Variants in ORC2 observed in about 807,000 individuals in gnomAD.
The protein encoded by ORC2 is origin recognition complex subunit 2.
A neutral mutation model predicts 77.7 loss-of-function variants in ORC2; 37 were observed. The observed-to-expected ratio is 0.48, with a 90% CI of 0.37 to 0.63. The LOEUF is 0.63. Ranked by LOEUF, ORC2 falls within the 20% of genes least tolerant of loss-of-function variation. The probability of loss-of-function intolerance (pLI) is 0.00; values close to 1 mark genes in which losing one functional copy is unlikely to be tolerated. For synonymous variants in ORC2, 201 were observed against 229.5 expected (o/e 0.88, Z 1.12); for missense variants, 557 against 661.9 (o/e 0.84, Z 1.74).
intron 12 of ORC2, among the ~76,000 whole-genome samples, chr2:200,926,218 A>G (rs1430475766): frequency 2.6e-5 from 4 of 152,202 alleles, no homozygotes; most frequent in Admixed American, 2.6e-4. Context: ...CATGAGAAAC[A>G]TTAGAAAACT....
chr2:200,945,426 G>C (rs1407945497), intron 5 of ORC2, among the ~76,000 whole-genome samples: 1 of 146,812 alleles, frequency 6.8e-6, no homozygotes, highest in Non-Finnish European at 1.5e-5. Flanking sequence ...GTGTGGTGGC[G>C]TGTGACTTTA....
At chr2:200,938,026 GAA>G in intron 7 of ORC2, 60 bp from the exon 8 acceptor site, 1 of 1,229,876 alleles carries the variant, frequency 8.1e-7, no homozygotes, top group African/African-American at 1.5e-5. Context: ...TGATCTGAGT[GAA>G]AGAGGCTAGA....
intron 10 of ORC2, among the ~76,000 whole-genome samples, chr2:200,933,540 TAC>T (rs1231323575): frequency 1.3e-5 from 2 of 152,132 alleles, no homozygotes; most frequent in Non-Finnish European, 2.9e-5. Flanking sequence ...AATGCATAAT[TAC>T]AGTCTGTCTA....
intron 9 of ORC2, 88 bp downstream of exon 9, chr2:200,935,611 T>G (rs539159128): frequency 2.3e-6 from 2 of 886,028 alleles, no homozygotes; most frequent in Admixed American, 2.8e-5. Context: ...AAAAATATTA[T>G]TTTGAGAGAT....
chr2:200,913,984 A>C lies in ORC2; in HGVS notation c.1475T>G (p.Phe492Cys), dbSNP rs764401043. Residue 492 changes from phenylalanine to cysteine, a missense_variant, in exon 16 of 18, where the codon TTC becomes TGC. Physicochemically the swap from Phe to Cys is radical, Grantham distance 205 (BLOSUM62 -2). Coordinates refer to ENST00000234296, the MANE Select transcript of ORC2 (RefSeq NM_006190.5). Reference protein sequence around the residue: ...RSLTPNARGIFRLLIKYQLDN... With the variant: ...RSLTPNARGICRLLIKYQLDN... ...CAGCTGGTATTTTATTAGTAGCCTG[A>C]AAATTCCCCTAAAAAAAAAAAAAAA... 4 of 1,570,268 alleles carry C rather than the reference A, an allele frequency of 2.5e-6. No individual in the cohort carries two copies. The highest frequency in any genetic ancestry group is 3.5e-6 in the Non-Finnish European group (4 of 1,159,244).
At chr2:200,947,876 T>A (rs1449003223) in intron 5 of ORC2, among the ~76,000 whole-genome samples, 2 of 151,932 alleles carry the variant, frequency 1.3e-5, no homozygotes, top group East Asian at 3.9e-4. Context: ...GCTGGGACTA[T>A]AGGCATGTAC....
intron 8 of ORC2, among the ~76,000 whole-genome samples, chr2:200,936,601 A>C (rs2041051753): frequency 6.6e-6 from 1 of 152,208 alleles, no homozygotes; most frequent in Non-Finnish European, 1.5e-5. Context: ...AGATACTTAA[A>C]TGTCTATGGC....
chr2:200,949,595 G>A lies in ORC2; in HGVS notation c.287C>T (p.Ser96Phe). Residue 96 changes from serine (S) to phenylalanine (F), a missense_variant, in exon 5 of 18, where the codon TCT (serine) becomes TTT (phenylalanine). Ser to Phe is a radical substitution (Grantham distance 155). Transcript: ENST00000234296. ...SATGGGNKVY[S>F]FQNRKHSEKM... Reference sequence around the variant, plus strand: ...TTCAGAGTGTTTTCTATTCTGAAAAGAATAAACTTTATTTCCACCACCTGT... The same window carrying A: ...TTCAGAGTGTTTTCTATTCTGAAAAAAATAAACTTTATTTCCACCACCTGT... 6.2e-7 allele frequency: 1 copy of A among 1,600,588 alleles called. No homozygotes were observed. Among genetic ancestry groups the A allele is most frequent in the African/African-American group, 1.3e-5 (1 of 74,508 alleles).
In ORC2 at chr2:200,956,591, A is replaced by G. The variant is rs185121596; in HGVS notation, c.238+810T>C. Among the ~76,000 whole-genome samples the G allele has an allele frequency of 9.7e-4, 148 of 152,180 alleles. 2 individuals are homozygous for G. In the East Asian group the frequency reaches 0.019, roughly 20 times the overall value. Reference sequence around the variant, plus strand: ...GCAGTCCTCCTGCCTCAGTCTCCCAATGTACTGGGATCACAGGCGTGAGCC... The same window carrying G: ...GCAGTCCTCCTGCCTCAGTCTCCCAGTGTACTGGGATCACAGGCGTGAGCC... On this transcript the variant is annotated intron_variant, in intron 4 of 17. Transcript: ENST00000234296.
intron 4 of ORC2, among the ~76,000 whole-genome samples, chr2:200,957,175 A>T (rs902506077): frequency 2.6e-5 from 4 of 152,214 alleles, no homozygotes; most frequent in African/African-American, 4.8e-5. Context: ...TTAAAAATAA[A>T]ATAACTTTAG....
At chr2:200,927,130 G>T (rs904980015) in intron 11 of ORC2, among the ~76,000 whole-genome samples, 1 of 151,638 alleles carries the variant, frequency 6.6e-6, no homozygotes, top group East Asian at 1.9e-4. Flanking sequence ...CTGTCACCCA[G>T]ACTGGAGTCC....
chr2:200,933,342 A>T (rs150159547), intron 10 of ORC2, among the ~76,000 whole-genome samples: 96 of 148,892 alleles, frequency 6.4e-4, no homozygotes, highest in Non-Finnish European at 9.5e-4. Flanking sequence ...AATATCCTCT[A>T]CTTTGTGCAA....
chr2:200,945,466 A>C (rs952346916), intron 5 of ORC2, among the ~76,000 whole-genome samples: 5 of 152,156 alleles, frequency 3.3e-5, no homozygotes, highest in Non-Finnish European at 7.3e-5. Context: ...TGAGGAAAGG[A>C]AGCTGAGGCA....
At chr2:200,940,925 C>T (rs2041140341) in intron 7 of ORC2, among the ~76,000 whole-genome samples, 1 of 152,106 alleles carries the variant, frequency 6.6e-6, no homozygotes, top group African/African-American at 2.4e-5. Context: ...GCAAAAGAAA[C>T]AGAACATGAT....
At chr2:200,958,424 A>G (rs2041513061) in intron 2 of ORC2, among the ~76,000 whole-genome samples, 1 of 152,194 alleles carries the variant, frequency 6.6e-6, no homozygotes, top group African/African-American at 2.4e-5. Context: ...CAGAAAAACA[A>G]TTTTAAGTTT....
Position 200,920,410 on chromosome 2 carries a change from G to A in ORC2, c.1295-17C>T. 6.8e-7 allele frequency: 1 copy of A among 1,476,176 alleles called. No homozygotes were observed. Among genetic ancestry groups the A allele is most frequent in the Non-Finnish European group, 9.0e-7 (1 of 1,105,118 alleles). 91.4% of individuals were successfully genotyped at this position (1,476,176 alleles called of 1,614,324 possible). A position where few individuals can be genotyped will look rare whatever the true frequency, so the allele number is the denominator to read the frequency against. ...GATCCCACACTAGCACATGATCAAA[G>A]AAAACAAGAATTACAAATTATTTTT... On this transcript the variant is annotated splice_polypyrimidine_tract_variant and intron_variant, in intron 14 of 17. Transcript: ENST00000234296.
intron 1 of ORC2, chr2:200,963,198 C>T: frequency 5.4e-6 from 2 of 371,070 alleles, no homozygotes; most frequent in Non-Finnish European, 9.6e-6. Context: ...ACGAAAGGTC[C>T]TCCCAGAGTG....
At chr2:200,927,042 A>G in intron 11 of ORC2, 142 bp from the exon 12 acceptor site, 1 of 838,534 alleles carries the variant, frequency 1.2e-6, no homozygotes, top group East Asian at 2.6e-5. Context: ...TAATCCCCGA[A>G]TTTTGGGAAG....
chr2:200,944,512 A>G (rs1451884590), intron 5 of ORC2, among the ~76,000 whole-genome samples: 1 of 152,058 alleles, frequency 6.6e-6, no homozygotes, highest in East Asian at 1.9e-4. Context: ...ATAGGCAGAC[A>G]TTCCAACACC....
Sources: gnomAD v4.1 joint callset for allele counts (sites outside exome capture counted in the v4.1 genomes callset) on GRCh38, gnomAD v4.1.1 for gene constraint, MANE v1.5 for transcripts, NCBI Gene and HGNC (gene_info 2026-07-23, HGNC 2026-07-21) for gene names.